The following SGCD variants were observed in gnomAD, a reference collection of about 807,000 sequenced individuals.
SGCD encodes the protein delta-sarcoglycan.
Under a neutral mutation model 36.6 loss-of-function variants are expected in SGCD, and 18 were observed. That is an observed-to-expected ratio of 0.49 (90% CI 0.34 to 0.73). SGCD has a LOEUF of 0.73. SGCD is among the 30% of genes least tolerant of loss of function. SGCD has a pLI of 0.01. For missense variants in SGCD, 387 were observed against 346.7 expected (o/e 1.12, Z -0.92); for synonymous variants, 133 against 130.6 (o/e 1.02, Z -0.12).
At chr5:156,693,919 A>T (rs1754208806) in intron 7 of SGCD, among the ~76,000 whole-genome samples, 1 of 152,024 alleles carries the variant, frequency 6.6e-6, no homozygotes. Context: ...CTCAGAGAGG[A>T]TGGGTAGCCT....
intron 3 of SGCD, among the ~76,000 whole-genome samples, chr5:156,371,642 C>T (rs1770392012): frequency 1.3e-5 from 2 of 152,136 alleles, no homozygotes; most frequent in Non-Finnish European, 2.9e-5. Context: ...CAGCAAACTG[C>T]CTTTAGAACC....
chr5:155,796,282 T>C, the SGCD span, among the ~76,000 whole-genome samples: 2 of 151,944 alleles, frequency 1.3e-5, no homozygotes, highest in Non-Finnish European at 1.5e-5. Flanking sequence ...TGAGGTAGAA[T>C]AAAAAAACAA....
At chr5:156,750,695 T>C (rs1757117996) in intron 7 of SGCD, among the ~76,000 whole-genome samples, 1 of 151,240 alleles carries the variant, frequency 6.6e-6, no homozygotes, top group Non-Finnish European at 1.5e-5. Flanking sequence ...ATTAACATAA[T>C]TTATAGTTGC....
At chr5:156,691,193 C>T (rs182483496) in intron 7 of SGCD, among the ~76,000 whole-genome samples, 20 of 84,678 alleles carry the variant, frequency 2.4e-4, no homozygotes, top group East Asian at 1.5e-3. Flanking sequence ...GGCAACAGAG[C>T]GAGACTCTGT....
chr5:156,396,588 G>A (rs1356572574), intron 3 of SGCD, among the ~76,000 whole-genome samples: 2 of 152,108 alleles, frequency 1.3e-5, no homozygotes, highest in African/African-American at 2.4e-5. Context: ...TATGTTTTGA[G>A]TGTTCCGCGG....
chr5:156,667,993 C>A lies in SGCD; in HGVS notation c.575+20457C>A, dbSNP rs1753124378. ...AAAGGATATTTCAACTAACAGAGTT[C>A]ACGTAACCTTAGAATAACACACAGT... On this transcript the variant is annotated intron_variant, in intron 7 of 8. Coordinates refer to ENST00000337851, the MANE Select transcript of SGCD (RefSeq NM_000337.6). Among the ~76,000 whole-genome samples the A allele has an allele frequency of 2.6e-5, 4 of 152,194 alleles. No individual in the cohort carries two copies. In the South Asian group the frequency reaches 8.3e-4, roughly 31 times the overall value.
intron 3 of SGCD, among the ~76,000 whole-genome samples, chr5:156,245,339 T>C (rs143536815): frequency 2.6e-5 from 4 of 152,306 alleles, no homozygotes; most frequent in African/African-American, 9.6e-5. Context: ...AAAGTTATTA[T>C]TGATAGGAAA....
intron 3 of SGCD, among the ~76,000 whole-genome samples, chr5:156,248,380 C>T (rs62382681): frequency 0.22 from 33,496 of 151,854 alleles, 4,341 homozygotes; most frequent in East Asian, 0.62. Flanking sequence ...ATTACCCGGG[C>T]GTGGTAGCAT....
intron 1 of SGCD, among the ~76,000 whole-genome samples, chr5:155,954,140 C>G (rs1369757087): frequency 6.6e-6 from 1 of 152,154 alleles, no homozygotes; most frequent in Non-Finnish European, 1.5e-5. Context: ...ATCATATGAT[C>G]TAAAGACCTT....
the SGCD span, among the ~76,000 whole-genome samples, chr5:155,750,854 C>G: frequency 1.3e-5 from 2 of 152,060 alleles, no homozygotes; most frequent in African/African-American, 4.8e-5. Flanking sequence ...CATAACAGCC[C>G]TTACCCCCAC....
the SGCD span, among the ~76,000 whole-genome samples, chr5:155,766,145 A>G: frequency 2.0e-5 from 3 of 152,138 alleles, no homozygotes; most frequent in African/African-American, 2.4e-5. Context: ...GGGAGAAGCC[A>G]TAACTGTTAT....
At chr5:156,372,832 A>G (rs2127741103) in intron 3 of SGCD, among the ~76,000 whole-genome samples, 1 of 152,130 alleles carries the variant, frequency 6.6e-6, no homozygotes, top group East Asian at 1.9e-4. Flanking sequence ...TTTTTGTTCT[A>G]AATACATGTC....
chr5:156,158,196 T>A (rs1763009034), intron 3 of SGCD, among the ~76,000 whole-genome samples: 1 of 151,520 alleles, frequency 6.6e-6, no homozygotes, highest in Non-Finnish European at 1.5e-5. Flanking sequence ...CATTTCCACA[T>A]CTATAGGATA....
chr5:155,734,127 T>G, the SGCD span, among the ~76,000 whole-genome samples: 1 of 147,594 alleles, frequency 6.8e-6, no homozygotes, highest in African/African-American at 2.5e-5. Context: ...ATATTGTTAC[T>G]GATATTAATT....
chr5:155,903,447 TC>T (rs1183193909), intron 1 of SGCD, among the ~76,000 whole-genome samples: 2 of 152,192 alleles, frequency 1.3e-5, no homozygotes, highest in Non-Finnish European at 2.9e-5. Flanking sequence ...AGCCTACCTG[TC>T]TGTTGTTGAT....
upstream of SGCD, among the ~76,000 whole-genome samples, chr5:156,323,992 C>T (rs1434297953): frequency 6.6e-6 from 1 of 152,118 alleles, no homozygotes; most frequent in Non-Finnish European, 1.5e-5. Flanking sequence ...TCACGTAATC[C>T]TCATAACACT....
chr5:156,243,979 C>T (rs1446876309), intron 3 of SGCD, among the ~76,000 whole-genome samples: 1 of 152,032 alleles, frequency 6.6e-6, no homozygotes, highest in Non-Finnish European at 1.5e-5. Flanking sequence ...TTTCACGGTA[C>T]CTCTCCCTAA....
At chr5:156,478,829 C>A (rs529316321) in intron 3 of SGCD, among the ~76,000 whole-genome samples, 2 of 152,248 alleles carry the variant, frequency 1.3e-5, no homozygotes, top group East Asian at 3.9e-4. Context: ...GATCCACTCA[C>A]CTTGGCCTCC....
chr5:156,388,205 GGCAAGGCA>G (rs1771376774), intron 3 of SGCD, among the ~76,000 whole-genome samples: 1 of 152,116 alleles, frequency 6.6e-6, no homozygotes, highest in African/African-American at 2.4e-5. Context: ...GTGATAGCCG[GGCAAGGCA>G]GCTATTGAGA....
Sources: gnomAD v4.1 joint callset for allele counts (sites outside exome capture counted in the v4.1 genomes callset) on GRCh38, gnomAD v4.1.1 for gene constraint, MANE v1.5 for transcripts, NCBI Gene and HGNC (gene_info 2026-07-23, HGNC 2026-07-21) for gene names.